Variants in MACROD2 observed in about 807,000 individuals in gnomAD.
MACROD2 encodes the protein mono-ADP ribosylhydrolase 2.
MACROD2 carries 36 observed loss-of-function variants against 70.4 expected under a neutral mutation model. That is an observed-to-expected ratio of 0.51 (90% CI 0.39 to 0.68). MACROD2 has a LOEUF of 0.68. MACROD2 is among the 30% of genes least tolerant of loss of function. MACROD2 has a pLI of 0.00. For synonymous variants in MACROD2, 172 were observed against 178.8 expected, an observed-to-expected ratio of 0.96 and a Z score of 0.30; for missense variants, 496 against 538.4, an observed-to-expected ratio of 0.92 and a Z score of 0.78.
chr20:15,260,409 T>C (rs1405082188), intron 6 of MACROD2, among the ~76,000 whole-genome samples: 3 of 151,930 alleles, frequency 2.0e-5, no homozygotes, highest in Non-Finnish European at 4.4e-5. Flanking sequence ...TTGCCTGACT[T>C]ATTTCACTTA....
chr20:15,574,699 C>A (rs1307336311), intron 8 of MACROD2, among the ~76,000 whole-genome samples: 1 of 152,132 alleles, frequency 6.6e-6, no homozygotes, highest in East Asian at 1.9e-4. Context: ...CCCATGAAAA[C>A]CCCCGTACTT....
At chr20:14,017,159 A>G (rs1273586249) in intron 2 of MACROD2, among the ~76,000 whole-genome samples, 1 of 152,150 alleles carries the variant, frequency 6.6e-6, no homozygotes, top group Non-Finnish European at 1.5e-5. Context: ...TTGCAAGTGT[A>G]CAGAAATGAA....
intron 8 of MACROD2, among the ~76,000 whole-genome samples, chr20:15,688,316 A>G (rs1309690505): frequency 6.6e-6 from 1 of 152,196 alleles, no homozygotes; most frequent in African/African-American, 2.4e-5. Context: ...AACAGAACAG[A>G]TGAAGTCTCC....
intron 5 of MACROD2, among the ~76,000 whole-genome samples, chr20:14,956,612 A>C (rs1478719394): frequency 6.6e-6 from 1 of 152,148 alleles, no homozygotes. Flanking sequence ...TGGGGGTGAT[A>C]CTAGTTAGTT....
intron 9 of MACROD2, among the ~76,000 whole-genome samples, chr20:15,865,599 A>G (rs1366740234): frequency 1.3e-5 from 2 of 152,196 alleles, no homozygotes; most frequent in Non-Finnish European, 2.9e-5. Context: ...GCCATCAGCC[A>G]GGATAGTCAC....
intron 3 of MACROD2, among the ~76,000 whole-genome samples, chr20:14,399,960 T>C (rs2083620168): frequency 6.6e-6 from 1 of 152,238 alleles, no homozygotes; most frequent in African/African-American, 2.4e-5. Context: ...TTAATCTTTC[T>C]TCTGTCTACT....
rs77723821 is a variant in MACROD2 at position 14,164,374 on chromosome 20, G to C, written c.271+78646G>C. Among the ~76,000 whole-genome samples the C allele has an allele frequency of 4.3e-3, 659 of 152,216 alleles. 2 individuals carry two copies. The highest frequency in any genetic ancestry group is 0.015 in the African/African-American group (618 of 41,510). On this transcript the variant is annotated intron_variant, in intron 3 of 17. Transcript: ENST00000684519. Reference sequence around the variant, plus strand: ...AGTGTGCCTGTCCTTGGGCCTTAGGGTGGTGTATGCTGGCACTGGCAGTGG... The same window carrying C: ...AGTGTGCCTGTCCTTGGGCCTTAGGCTGGTGTATGCTGGCACTGGCAGTGG...
chr20:15,259,397 A>G (rs2077228592), intron 6 of MACROD2, among the ~76,000 whole-genome samples: 1 of 152,040 alleles, frequency 6.6e-6, no homozygotes, highest in South Asian at 2.1e-4. Flanking sequence ...GGTAAATCCC[A>G]AGAACCATTT....
intron 5 of MACROD2, among the ~76,000 whole-genome samples, chr20:15,002,622 C>T (rs1384652337): frequency 6.6e-6 from 1 of 152,098 alleles, no homozygotes; most frequent in African/African-American, 2.4e-5. Flanking sequence ...AATGTAGGTG[C>T]AGACTCAAAT....
intron 11 of MACROD2, 147 bp from the exon 12 acceptor site, chr20:15,937,329 C>A (rs1403310866): frequency 1.5e-6 from 1 of 654,524 alleles, no homozygotes; most frequent in African/African-American, 1.8e-5. Flanking sequence ...AACCACTAGC[C>A]CCTTCAAAGA....
chr20:14,676,949 A>G (rs1207906792), intron 4 of MACROD2, among the ~76,000 whole-genome samples: 1 of 152,198 alleles, frequency 6.6e-6, no homozygotes, highest in Non-Finnish European at 1.5e-5. Flanking sequence ...ACTGGATTTC[A>G]CTAAATGGTG....
intron 5 of MACROD2, among the ~76,000 whole-genome samples, chr20:15,006,275 A>G (rs757730103): frequency 1.4e-4 from 21 of 151,562 alleles, no homozygotes; most frequent in Non-Finnish European, 2.5e-4. Flanking sequence ...TAGATCCATG[A>G]CCTCACTTTA....
chr20:15,649,089 T>TCCCC (rs1158452492), intron 8 of MACROD2, among the ~76,000 whole-genome samples: 5 of 48,810 alleles, frequency 1.0e-4, no homozygotes, highest in Admixed American at 3.0e-4. Context: ...TTCCCTCCCC[T>TCCCC]TCCCTCCCCT....
In MACROD2 at chr20:13,995,882, G is replaced by T. The variant is rs1246156203; in HGVS notation, c.46+73G>T. The T allele has an allele frequency of 6.6e-7, 1 of 1,503,990 alleles. No individual in the cohort carries two copies. The highest frequency in any genetic ancestry group is 1.4e-5 in the African/African-American group (1 of 71,974). The allele number at this position is 1,503,990 out of a possible 1,614,324, so 93.2% of individuals were successfully genotyped here. On this transcript the variant is annotated intron_variant, in intron 1 of 17. Coordinates refer to ENST00000684519, the MANE Select transcript of MACROD2 (RefSeq NM_001351661.2). This position sits in a 1 kb window ranked among gnomAD's most constrained non-coding sequence, Gnocchi z 4.3. ...TGGGGGCGGGGGTCAGGCTGTGTGT[G>T]CCGCGGCGCCCTCCGCCCGAGCTCC...
In MACROD2 at chr20:14,307,527, G is replaced by T. The variant is rs560113361; in HGVS notation, c.272-185952G>T. 2.7e-3 allele frequency among the ~76,000 whole-genome samples: 415 copies of T among 152,196 alleles called. 4 individuals carry two copies. Among genetic ancestry groups the T allele is most frequent in the African/African-American group, 9.6e-3 (401 of 41,560 alleles). On this transcript the variant is annotated intron_variant, in intron 3 of 17. Coordinates refer to ENST00000684519, the MANE Select transcript of MACROD2 (RefSeq NM_001351661.2). ...TGGGGCAAAGTCTAAAATAACAATT[G>T]TAGATCTCCTTTTAGAGCTATGAAA...
At chr20:14,160,358 T>G (rs571303571) in intron 3 of MACROD2, among the ~76,000 whole-genome samples, 2 of 152,186 alleles carry the variant, frequency 1.3e-5, no homozygotes, top group Admixed American at 1.3e-4. Flanking sequence ...TCCCGGACTT[T>G]TCTTTGTTGG....
chr20:14,563,392 T>C (rs994530575), intron 4 of MACROD2, among the ~76,000 whole-genome samples: 1 of 151,992 alleles, frequency 6.6e-6, no homozygotes, highest in Non-Finnish European at 1.5e-5. Flanking sequence ...ATAAGTAAAA[T>C]ATTTAAACGT....
At chr20:15,267,448 A>G (rs2077305508) in intron 6 of MACROD2, among the ~76,000 whole-genome samples, 2 of 152,052 alleles carry the variant, frequency 1.3e-5, no homozygotes, top group Admixed American at 1.3e-4. Context: ...TGGCATGCAC[A>G]CTGGCACAAG....
rs541925247 is a variant in MACROD2, at chr20:15,077,869, T to C, written c.419-152071T>C. On this transcript the variant is annotated intron_variant, in intron 5 of 17. Coordinates refer to ENST00000684519, the MANE Select transcript of MACROD2 (RefSeq NM_001351661.2). ...AGCCCACTGCAGCGGCAGCAGTTGC[T>C]GCAGCGTTTGGAAGTGTTGATATGG... is the stretch of plus-strand genomic sequence containing the variant. Among the ~76,000 whole-genome samples the C allele has an allele frequency of 1.2e-4, 19 of 152,260 alleles. No individual in the cohort carries two copies. The South Asian group carries it at 3.9e-3, about 32-fold the overall frequency.
Sources: allele counts gnomAD v4.1 joint callset (sites outside exome capture counted in the v4.1 genomes callset), GRCh38; gene constraint gnomAD v4.1.1; non-coding constraint Gnocchi (gnomAD v3.1); transcripts MANE v1.5; gene names NCBI Gene and HGNC (gene_info 2026-07-23, HGNC 2026-07-21).